AGTPBP1: variants seen among roughly 807,000 people sequenced by gnomAD.
AGTPBP1 encodes ATP/GTP binding carboxypeptidase 1.
AGTPBP1 carries 70 observed loss-of-function variants against 143.9 expected under a neutral mutation model. The ratio of observed to expected loss-of-function variants is 0.49; its 90% CI spans 0.40 to 0.59. The LOEUF is 0.59. AGTPBP1 is among the 20% of genes least tolerant of loss of function. The pLI, the probability that AGTPBP1 is intolerant of heterozygous loss-of-function variation, is 0.00. For synonymous variants in AGTPBP1, 463 were observed against 500.2 expected, an observed-to-expected ratio of 0.93 and a Z score of 0.99; for missense variants, 1,229 against 1,464.5, an observed-to-expected ratio of 0.84 and a Z score of 2.62.
the AGTPBP1 span, among the ~76,000 whole-genome samples, chr9:85,790,333 G>A: frequency 1.3e-5 from 2 of 152,158 alleles, no homozygotes; most frequent in Admixed American, 6.6e-5. Context: ...ATAAAAGCAG[G>A]CTGACTTTTC....
At chr9:85,606,226 C>T (rs1829980841) in intron 17 of AGTPBP1, among the ~76,000 whole-genome samples, 1 of 151,690 alleles carries the variant, frequency 6.6e-6, no homozygotes, top group Non-Finnish European at 1.5e-5. Flanking sequence ...ATAATAATCT[C>T]ATTAAAAAGT....
chr9:85,693,056 A>T (rs1835984719), intron 2 of AGTPBP1, among the ~76,000 whole-genome samples: 1 of 152,098 alleles, frequency 6.6e-6, no homozygotes. Context: ...TATCCCTTCA[A>T]CCCTGTTCAG....
At position 85,646,312 on chromosome 9, in the gene AGTPBP1, T is replaced by C. The variant is rs773563578; in HGVS notation, c.1185+9A>G. The C allele has an allele frequency of 1.2e-6, 2 of 1,604,628 alleles. No homozygotes were observed. Among genetic ancestry groups the C allele is most frequent in the East Asian group, 4.5e-5 (2 of 44,694 alleles). On this transcript the variant is annotated intron_variant, in intron 12 of 25. Coordinates refer to ENST00000357081, the MANE Select transcript of AGTPBP1 (RefSeq NM_001330701.2). ...ATAAAGCTAACTAATTACAGAAATT[T>C]ATACTAACCTTAAAATTTTGATCTA...
At chr9:85,651,931 T>C (rs893400770) in intron 11 of AGTPBP1, among the ~76,000 whole-genome samples, 13 of 152,224 alleles carry the variant, frequency 8.5e-5, no homozygotes, top group Admixed American at 2.6e-4. Flanking sequence ...TTGATCTTTG[T>C]CCCAGGTTCC....
the AGTPBP1 span, among the ~76,000 whole-genome samples, chr9:85,767,547 C>T: frequency 2.0e-5 from 3 of 152,096 alleles, no homozygotes; most frequent in South Asian, 6.2e-4. Context: ...GGGGTTTCAC[C>T]ATGTTGGCCA....
At chr9:85,741,714 C>T in intron 1 of AGTPBP1, 61 bp downstream of exon 1, 1 of 1,270,012 alleles carries the variant, frequency 7.9e-7, no homozygotes, top group South Asian at 2.6e-5. Flanking sequence ...GCATCTCCCG[C>T]GGCCCGGGGA....
intron 17 of AGTPBP1, among the ~76,000 whole-genome samples, chr9:85,613,999 T>C (rs1830467292): frequency 6.6e-6 from 1 of 152,082 alleles, no homozygotes; most frequent in Admixed American, 6.5e-5. Flanking sequence ...ATGGTCACAT[T>C]ACATTCATTG....
chr9:85,728,038 C>T (rs200491771), intron 1 of AGTPBP1, among the ~76,000 whole-genome samples: 5,575 of 137,416 alleles, frequency 0.041, 186 homozygotes, highest in African/African-American at 0.081. Context: ...TATACACACA[C>T]ACACACACAC....
chr9:85,731,389 C>T (rs993360940), intron 1 of AGTPBP1, among the ~76,000 whole-genome samples: 7 of 151,780 alleles, frequency 4.6e-5, no homozygotes, highest in Non-Finnish European at 1.0e-4. Context: ...TACAATGGTG[C>T]AATTACTTTG....
At chr9:85,799,480 T>C in the AGTPBP1 span, among the ~76,000 whole-genome samples, 1 of 152,168 alleles carries the variant, frequency 6.6e-6, no homozygotes, top group Non-Finnish European at 1.5e-5. Flanking sequence ...GAGGTCAGCC[T>C]GTGCAACACA....
At chr9:85,650,070 C>G (rs1438988719) in intron 11 of AGTPBP1, among the ~76,000 whole-genome samples, 1 of 96,320 alleles carries the variant, frequency 1.0e-5, no homozygotes, top group African/African-American at 4.2e-5. Context: ...TTTTCTTGCT[C>G]TGGAAAATAA....
chr9:85,581,893 G>A (rs575761770), intron 23 of AGTPBP1, among the ~76,000 whole-genome samples: 15 of 152,166 alleles, frequency 9.9e-5, no homozygotes, highest in Non-Finnish European at 1.6e-4. Flanking sequence ...ATGCTCGTTG[G>A]AGCATTTTGG....
At chr9:85,753,339 C>T in the AGTPBP1 span, 1 of 1,613,866 alleles carries the variant, frequency 6.2e-7, no homozygotes, top group Non-Finnish European at 8.5e-7. Context: ...GGAAGAAGGT[C>T]TAAAACCGAA....
intron 11 of AGTPBP1, among the ~76,000 whole-genome samples, chr9:85,653,020 G>A (rs898090066): frequency 1.3e-5 from 2 of 152,180 alleles, no homozygotes; most frequent in African/African-American, 2.4e-5. Flanking sequence ...GAGTAAAAGA[G>A]TTCAGACCTA....
At chr9:85,584,775 A>G (rs1444235539) in intron 23 of AGTPBP1, among the ~76,000 whole-genome samples, 1 of 152,252 alleles carries the variant, frequency 6.6e-6, no homozygotes, top group African/African-American at 2.4e-5. Flanking sequence ...CAAACTTCAT[A>G]AAGTATTTGT....
At chr9:85,638,115 T>C (rs1442258602) in intron 13 of AGTPBP1, among the ~76,000 whole-genome samples, 3 of 140,558 alleles carry the variant, frequency 2.1e-5, no homozygotes, top group African/African-American at 8.2e-5. Flanking sequence ...CTTTTTATGT[T>C]TAGTAAAAAA....
the AGTPBP1 span, chr9:85,770,618 G>C: frequency 1.7e-6 from 1 of 572,186 alleles, no homozygotes; most frequent in East Asian, 2.8e-5. Context: ...ACAAATTTGA[G>C]CATGATTTCT....
intron 18 of AGTPBP1, among the ~76,000 whole-genome samples, chr9:85,594,551 T>A (rs143262800): frequency 6.6e-6 from 1 of 151,888 alleles, no homozygotes; most frequent in African/African-American, 2.4e-5. Context: ...GACTGCACCA[T>A]TGCTTTCCAG....
chr9:85,693,124 T>TA (rs1217241862), intron 2 of AGTPBP1, among the ~76,000 whole-genome samples: 4 of 152,158 alleles, frequency 2.6e-5, no homozygotes, highest in Non-Finnish European at 4.4e-5. Flanking sequence ...TTTTTACACT[T>TA]ACTCTGCTCT....
Sources: gnomAD v4.1 joint callset for allele counts (sites outside exome capture counted in the v4.1 genomes callset) on GRCh38, gnomAD v4.1.1 for gene constraint, MANE v1.5 for transcripts, NCBI Gene and HGNC (gene_info 2026-07-23, HGNC 2026-07-21) for gene names.